FBXO15: variants seen among roughly 807,000 people sequenced by gnomAD.
FBXO15 encodes F-box protein 15.
In FBXO15, 30 loss-of-function variants were observed where a neutral mutation model predicts 49.5. The observed-to-expected ratio is 0.61, with a 90% CI of 0.45 to 0.82. The LOEUF (loss-of-function observed/expected upper bound fraction) is 0.82. Among genes scored for constraint, FBXO15 ranks in the 40% least tolerant of loss-of-function variants. The pLI, the probability that FBXO15 is intolerant of heterozygous loss-of-function variation, is 0.00. For synonymous variants in FBXO15, 250 were observed against 232.7 expected (o/e 1.07, Z -0.68); for missense variants, 591 against 631.5 (o/e 0.94, Z 0.69).
intron 8 of FBXO15, among the ~76,000 whole-genome samples, chr18:74,088,056 T>A (rs890990263): frequency 6.6e-6 from 1 of 152,206 alleles, no homozygotes; most frequent in East Asian, 1.9e-4. Context: ...TACTTTTTAA[T>A]GGGGTTTTTT....
intron 8 of FBXO15, among the ~76,000 whole-genome samples, chr18:74,091,089 T>C (rs1913004706): frequency 6.6e-6 from 1 of 152,214 alleles, no homozygotes. Context: ...GTTGGGTGCA[T>C]ACATATTTAG....
chr18:74,132,972 A>C (rs1978489110), intron 3 of FBXO15, among the ~76,000 whole-genome samples: 1 of 152,236 alleles, frequency 6.6e-6, no homozygotes, highest in African/African-American at 2.4e-5. Flanking sequence ...GTGCCTGCCC[A>C]TAAGTCATCA....
intron 8 of FBXO15, among the ~76,000 whole-genome samples, chr18:74,112,297 G>T (rs1033653672): frequency 1.3e-5 from 2 of 152,110 alleles, no homozygotes; most frequent in African/African-American, 4.8e-5. Flanking sequence ...CAAAATATTG[G>T]CAAGTCAAAT....
intron 8 of FBXO15, among the ~76,000 whole-genome samples, chr18:74,087,121 T>C (rs1912776482): frequency 6.6e-6 from 1 of 152,244 alleles, no homozygotes. Flanking sequence ...TAAAAAATGC[T>C]AATGACCATC....
chr18:74,123,604 T>C (rs1312087960), intron 7 of FBXO15, 94 bp from the exon 8 acceptor site: 4 of 1,325,098 alleles, frequency 3.0e-6, no homozygotes, highest in Non-Finnish European at 4.1e-6. Flanking sequence ...ACCATCTGTA[T>C]CAAAGCACTA....
intron 9 of FBXO15, among the ~76,000 whole-genome samples, chr18:74,076,690 T>C (rs1284127413): frequency 2.0e-5 from 3 of 152,154 alleles, no homozygotes; most frequent in African/African-American, 7.2e-5. Flanking sequence ...AAGACAAACC[T>C]TTACAAAACA....
intron 1 of FBXO15, among the ~76,000 whole-genome samples, chr18:74,145,834 C>T (rs926549515): frequency 1.3e-5 from 2 of 152,046 alleles, no homozygotes; most frequent in Non-Finnish European, 2.9e-5. Flanking sequence ...TCCTCACCTC[C>T]AGATCTGCCC....
chr18:74,129,310 A>C lies in FBXO15; in HGVS notation c.785+95T>G, dbSNP rs1165302536. 23 of 1,083,650 alleles carry C rather than the reference A, an allele frequency of 2.1e-5. No homozygotes were observed. In the Admixed American group the frequency reaches 4.4e-4, roughly 21 times the overall value. 67.1% of individuals were successfully genotyped at this position (1,083,650 alleles called of 1,614,324 possible). A position where few individuals can be genotyped will look rare whatever the true frequency, so the allele number is the denominator to read the frequency against. On this transcript the variant is annotated intron_variant, in intron 5 of 9. Coordinates refer to ENST00000419743, the MANE Select transcript of FBXO15 (RefSeq NM_001142958.2). ...ACATTTAATATGTGATAAAATTAAAAAACGCTGCTCTTATTTTTTAATTAC... is the reference window on the plus strand; with the variant it reads ...ACATTTAATATGTGATAAAATTAAACAACGCTGCTCTTATTTTTTAATTAC...
chr18:74,119,961 C>T (rs62097027), intron 8 of FBXO15, among the ~76,000 whole-genome samples: 13,303 of 152,178 alleles, frequency 0.087, 816 homozygotes, highest in Admixed American at 0.2. Context: ...GGCCAGCTGC[C>T]CACAGTGGTG....
At chr18:74,125,226 T>C (rs918699132) in intron 6 of FBXO15, among the ~76,000 whole-genome samples, 9 of 152,234 alleles carry the variant, frequency 5.9e-5, no homozygotes, top group Middle Eastern at 3.4e-3. Context: ...CAAAGCTGGA[T>C]GCATGCGAGT....
intron 8 of FBXO15, among the ~76,000 whole-genome samples, chr18:74,119,849 G>A (rs1914398487): frequency 6.6e-6 from 1 of 152,180 alleles, no homozygotes; most frequent in South Asian, 2.1e-4. Context: ...GGTTCACAAG[G>A]TTTAAAGGGG....
At chr18:74,111,090 C>A (rs896729091) in intron 8 of FBXO15, among the ~76,000 whole-genome samples, 2 of 151,874 alleles carry the variant, frequency 1.3e-5, no homozygotes, top group African/African-American at 4.8e-5. Flanking sequence ...CTACATCATA[C>A]AACAAGAGCA....
Position 74,129,430 on chromosome 18 carries a change from A to C in FBXO15, c.760T>G (p.Trp254Gly). 1 of 1,614,018 alleles carries C rather than the reference A, an allele frequency of 6.2e-7. No homozygotes were observed. Among genetic ancestry groups the C allele is most frequent in the Non-Finnish European group, 8.5e-7 (1 of 1,179,962 alleles). The change falls in exon 5 of 10, where the codon TGG becomes GGG. Residue 254 changes from tryptophan to glycine, a missense_variant. Coordinates refer to ENST00000419743, the MANE Select transcript of FBXO15 (RefSeq NM_001142958.2). ...LCGMTPVFTD[W>G]YKTPTKHRLR... is the part of the protein sequence containing the mutation. ...CTATGTTTGGTGGGAGTTTTATACC[A>C]GTCGGTAAAAACTGGTGTCATGCCA...
chr18:74,103,641 A>C (rs1300822513), intron 8 of FBXO15, among the ~76,000 whole-genome samples: 2 of 152,140 alleles, frequency 1.3e-5, no homozygotes, highest in East Asian at 1.9e-4. Context: ...GAAGCAAATA[A>C]CGTAAAAGAG....
chr18:74,129,555 A>G lies in FBXO15; in HGVS notation c.635T>C (p.Met212Thr), dbSNP rs142168799. 2.4e-5 allele frequency: 39 copies of G among 1,613,384 alleles called. No homozygotes were observed. In the African/African-American group the frequency reaches 5.2e-4, roughly 22 times the overall value. ...ATTTATGGAAAGATCAACATGCTCC[A>G]TGATATATTCTTTTCCACCTTTTTC... The part of the protein sequence containing the change: ...LKEKGGKEYI[M>T]EHVDLSINDT... Residue 212 changes from methionine (M) to threonine (T), a missense_variant, in exon 5 of 10, where the codon ATG (methionine) becomes ACG (threonine). Transcript: ENST00000419743.
intron 4 of FBXO15, 103 bp from the exon 5 acceptor site, chr18:74,129,717 G>T: frequency 3.2e-6 from 3 of 942,004 alleles, no homozygotes; most frequent in Non-Finnish European, 4.7e-6. Flanking sequence ...TTCCTTAAAA[G>T]CCAAAGTCAA....
At chr18:74,109,771 T>G (rs540233708) in intron 8 of FBXO15, among the ~76,000 whole-genome samples, 1 of 150,344 alleles carries the variant, frequency 6.7e-6, no homozygotes, top group Admixed American at 6.6e-5. Flanking sequence ...TAGGTGGGAG[T>G]TGAACAACGA....
chr18:74,132,501 A>G (rs1253564857), intron 3 of FBXO15, among the ~76,000 whole-genome samples: 1 of 152,252 alleles, frequency 6.6e-6, no homozygotes, highest in Non-Finnish European at 1.5e-5. Flanking sequence ...TAACATTCGT[A>G]TGATGAACTA....
At chr18:74,078,434 G>A (rs1912348157) in intron 9 of FBXO15, 1 of 151,778 alleles carries the variant, frequency 6.6e-6, no homozygotes, top group South Asian at 2.1e-4. Flanking sequence ...GCTAGGAAGA[G>A]GCCCGCCTCA....
Sources: allele counts gnomAD v4.1 joint callset (sites outside exome capture counted in the v4.1 genomes callset), GRCh38; gene constraint gnomAD v4.1.1; transcripts MANE v1.5; gene names NCBI Gene and HGNC (gene_info 2026-07-23, HGNC 2026-07-21).